The following KHDRBS2 variants were observed in gnomAD, a reference collection of about 807,000 sequenced individuals.
The protein encoded by KHDRBS2 is KH domain-containing, RNA-binding, signal transduction-associated protein 2.
KHDRBS2 carries 26 observed loss-of-function variants against 44.3 expected under a neutral mutation model. The ratio of observed to expected loss-of-function variants is 0.59; its 90% CI spans 0.43 to 0.81. The LOEUF (loss-of-function observed/expected upper bound fraction) is 0.81. Among genes scored for constraint, KHDRBS2 ranks in the 40% least tolerant of loss-of-function variants. KHDRBS2 has a pLI of 0.00. For synonymous variants in KHDRBS2, 194 were observed against 151.1 expected (o/e 1.28, Z -2.08); for missense variants, 476 against 433.1 (o/e 1.10, Z -0.88).
chr6:62,270,820 A>T (rs1350769434), intron 1 of KHDRBS2, among the ~76,000 whole-genome samples: 1 of 152,112 alleles, frequency 6.6e-6, no homozygotes, highest in African/African-American at 2.4e-5. Flanking sequence ...TGGATGACCT[A>T]TGAGATCGTT....
intron 3 of KHDRBS2, among the ~76,000 whole-genome samples, chr6:62,002,230 T>C (rs1425434692): frequency 1.3e-5 from 2 of 152,030 alleles, no homozygotes; most frequent in Admixed American, 6.6e-5. Flanking sequence ...ATTCCTGGGT[T>C]TCTAAAATTT....
intron 2 of KHDRBS2, among the ~76,000 whole-genome samples, chr6:62,088,706 C>T (rs962343838): frequency 3.2e-4 from 49 of 152,126 alleles, no homozygotes; most frequent in African/African-American, 1.2e-3. Flanking sequence ...GGGACATGGA[C>T]CCACTTGAGA....
At chr6:61,636,259 C>T in the KHDRBS2 span, among the ~76,000 whole-genome samples, 1 of 151,958 alleles carries the variant, frequency 6.6e-6, no homozygotes. Flanking sequence ...TTTCAAGAAC[C>T]TCCATAATTT....
At chr6:61,561,628 C>A in the KHDRBS2 span, among the ~76,000 whole-genome samples, 2 of 152,080 alleles carry the variant, frequency 1.3e-5, no homozygotes, top group Admixed American at 6.6e-5. Flanking sequence ...TGGTCACCCC[C>A]ACAACAGACA....
chr6:61,924,841 C>G (rs1490984731), intron 4 of KHDRBS2, among the ~76,000 whole-genome samples: 20 of 151,716 alleles, frequency 1.3e-4, no homozygotes, highest in Admixed American at 1.2e-3. Context: ...ATTATTATTG[C>G]TAGTAGTTGT....
At chr6:61,802,077 G>C (rs1460496289) in intron 6 of KHDRBS2, among the ~76,000 whole-genome samples, 3 of 152,104 alleles carry the variant, frequency 2.0e-5, no homozygotes, top group Non-Finnish European at 2.9e-5. Flanking sequence ...TAGGATTTGA[G>C]AGCGACCCCT....
the KHDRBS2 span, among the ~76,000 whole-genome samples, chr6:61,599,382 CAA>C: frequency 7.9e-5 from 12 of 152,138 alleles, no homozygotes; most frequent in Non-Finnish European, 1.5e-4. Context: ...TGTTTTCATA[CAA>C]AGTCCCAGAG....
the KHDRBS2 span, among the ~76,000 whole-genome samples, chr6:61,614,689 C>T: frequency 1.3e-5 from 2 of 152,010 alleles, no homozygotes; most frequent in African/African-American, 4.8e-5. Context: ...ACAACAGATT[C>T]TTTTACTTTT....
chr6:61,716,527 G>GA (rs1314584512), intron 7 of KHDRBS2, among the ~76,000 whole-genome samples: 2 of 151,946 alleles, frequency 1.3e-5, no homozygotes, highest in Non-Finnish European at 2.9e-5. Flanking sequence ...TCTTGGGGAG[G>GA]AAAAGATAAC....
the KHDRBS2 span, among the ~76,000 whole-genome samples, chr6:61,597,547 T>C: frequency 2.6e-5 from 4 of 151,154 alleles, no homozygotes; most frequent in African/African-American, 9.7e-5. Context: ...CTAATTCTTA[T>C]CCATTAACCA....
At chr6:61,765,672 CT>C (rs943685806) in intron 6 of KHDRBS2, among the ~76,000 whole-genome samples, 1 of 151,848 alleles carries the variant, frequency 6.6e-6, no homozygotes, top group Admixed American at 6.6e-5. Context: ...TCTATACCCA[CT>C]TTTTTTGAGG....
At chr6:62,203,950 C>G (rs758432642) in intron 1 of KHDRBS2, among the ~76,000 whole-genome samples, 7 of 152,096 alleles carry the variant, frequency 4.6e-5, no homozygotes, top group Non-Finnish European at 1.0e-4. Context: ...AGTTCTCACT[C>G]TATTAATTCA....
chr6:61,954,850 G>GTATATA (rs1562513832), intron 4 of KHDRBS2, among the ~76,000 whole-genome samples: 9,223 of 42,818 alleles, frequency 0.22, 2,363 homozygotes, highest in Admixed American at 0.29. Context: ...GTATACATAT[G>GTATATA]CATGTGTATA....
At chr6:62,001,957 G>A (rs948556083) in intron 3 of KHDRBS2, among the ~76,000 whole-genome samples, 3 of 152,118 alleles carry the variant, frequency 2.0e-5, no homozygotes, top group African/African-American at 7.2e-5. Flanking sequence ...AAGTGAACTT[G>A]CAAAGTAGAT....
At chr6:62,137,205 G>A (rs1259272672) in intron 2 of KHDRBS2, among the ~76,000 whole-genome samples, 1 of 151,890 alleles carries the variant, frequency 6.6e-6, no homozygotes, top group East Asian at 1.9e-4. Flanking sequence ...GTTTCACCGT[G>A]TTAGCCAGGA....
chr6:62,244,254 T>C (rs1050727458), intron 1 of KHDRBS2, among the ~76,000 whole-genome samples: 5 of 152,116 alleles, frequency 3.3e-5, no homozygotes, highest in African/African-American at 1.2e-4. Context: ...ATTTCTGTAT[T>C]TTTCTATACT....
intron 4 of KHDRBS2, among the ~76,000 whole-genome samples, chr6:61,971,907 A>C (rs964179719): frequency 1.3e-5 from 2 of 152,156 alleles, no homozygotes; most frequent in Non-Finnish European, 2.9e-5. Flanking sequence ...TCTGGTTCTT[A>C]AATTCTACTA....
intron 2 of KHDRBS2, among the ~76,000 whole-genome samples, chr6:62,088,816 C>A (rs9363792): frequency 0.59 from 89,483 of 151,984 alleles, 26,652 homozygotes; most frequent in Non-Finnish European, 0.62. Context: ...GAAGCTGCGA[C>A]CGTAGCCACC....
At chr6:62,176,528 T>C (rs1422425477) in intron 2 of KHDRBS2, among the ~76,000 whole-genome samples, 1 of 151,334 alleles carries the variant, frequency 6.6e-6, no homozygotes, top group East Asian at 1.9e-4. Context: ...AGTTTACATT[T>C]TAGTTTCCTT....
Sources: allele counts gnomAD v4.1 joint callset (sites outside exome capture counted in the v4.1 genomes callset), GRCh38; gene constraint gnomAD v4.1.1; transcripts MANE v1.5; gene names NCBI Gene and HGNC (gene_info 2026-07-23, HGNC 2026-07-21).